Variants in COL9A1 observed in about 807,000 individuals in gnomAD.
The protein encoded by COL9A1 is collagen type IX alpha 1 chain.
COL9A1 carries 104 observed loss-of-function variants against 142.6 expected under a neutral mutation model. That is an observed-to-expected ratio of 0.73 (90% CI 0.62 to 0.86). COL9A1 has a LOEUF of 0.86. COL9A1 is among the 40% of genes least tolerant of loss of function. The pLI is 0.00. For missense variants in COL9A1, 1,210 were observed against 1,176.6 expected, an observed-to-expected ratio of 1.03 and a Z score of -0.42; for synonymous variants, 466 against 396.0, an observed-to-expected ratio of 1.18 and a Z score of -2.10.
chr6:70,251,266 C>A (rs1237633661), intron 28 of COL9A1, among the ~76,000 whole-genome samples: 2 of 152,128 alleles, frequency 1.3e-5, no homozygotes, highest in Non-Finnish European at 2.9e-5. Flanking sequence ...AAAATACAGT[C>A]GGGCATGGTA....
chr6:70,273,971 A>G (rs1772573748), intron 12 of COL9A1, 76 bp downstream of exon 12: 1 of 767,042 alleles, frequency 1.3e-6, no homozygotes, highest in Admixed American at 3.6e-5. Flanking sequence ...AAATAAATAA[A>G]TAAAAAGATT....
chr6:70,231,373 T>C (rs1350526182), intron 36 of COL9A1, among the ~76,000 whole-genome samples: 3 of 152,174 alleles, frequency 2.0e-5, no homozygotes, highest in Non-Finnish European at 1.5e-5. Flanking sequence ...CCTGAACTAG[T>C]AAAGCTGGAC....
Position 70,271,575 on chromosome 6 carries a change from C to G in COL9A1, c.1143+80G>C, listed in dbSNP as rs555658384. The stretch of plus-strand genomic sequence containing the variant: ...GTTTTGGTTTGCAAGTGGAAATGTA[C>G]AGTTAGGGTAATTTGCTTTCCCAAA... On this transcript the variant is annotated intron_variant, in intron 14 of 37. Transcript: ENST00000357250. 3 of 1,262,374 alleles carry G rather than the reference C, an allele frequency of 2.4e-6. No individual in the cohort carries two copies. The South Asian group carries it at 3.6e-5, about 15-fold the overall frequency. 78.2% of individuals were successfully genotyped at this position (1,262,374 alleles called of 1,614,324 possible).
chr6:70,284,032 T>C (rs756253457), intron 5 of COL9A1, among the ~76,000 whole-genome samples: 15 of 152,132 alleles, frequency 9.9e-5, no homozygotes, highest in Non-Finnish European at 2.2e-4. Context: ...GATTATTAGG[T>C]ATAGATGTCT....
intron 26 of COL9A1, 129 bp downstream of exon 26, chr6:70,253,256 A>G: frequency 1.5e-6 from 1 of 651,930 alleles, no homozygotes; most frequent in Non-Finnish European, 2.7e-6. Context: ...TAACACATTT[A>G]CCTTTTTATT....
chr6:70,267,327 G>GTTTTTTTTTTTTTTTTTTTTTT lies in COL9A1; in HGVS notation c.1288-558_1288-557insAAAAAAAAAAAAAAAAAAAAAA, dbSNP rs61373051. 4.8e-4 allele frequency among the ~76,000 whole-genome samples: 61 copies of GTTTTTTTTTTTTTTTTTTTTTT among 127,040 alleles called. 1 individual carries two copies. Among genetic ancestry groups the GTTTTTTTTTTTTTTTTTTTTTT allele is most frequent in the Non-Finnish European group, 6.3e-4 (38 of 60,120 alleles). 83.3% of individuals were successfully genotyped at this position (127,040 alleles called of 152,430 possible). ...TTGTTGTTGTTTGTTTGGTTTTTTT[G>GTTTTTTTTTTTTTTTTTTTTTT]TTTTTTTTTTTTGAGATGGAGCTTC... On this transcript the variant is annotated intron_variant, in intron 17 of 37. Transcript: ENST00000357250.
chr6:70,223,505 T>A (rs866892896), intron 37 of COL9A1, among the ~76,000 whole-genome samples: 1 of 152,212 alleles, frequency 6.6e-6, no homozygotes, highest in South Asian at 2.1e-4. Flanking sequence ...GATGCCACTC[T>A]TCAAACAGCC....
In COL9A1 at chr6:70,240,321, C is replaced by T. The variant is rs78522464; in HGVS notation, c.2079+368G>A. ...CTTGAATATTGTTTTCATGATAGTG[C>T]ACTATTATTCATAGACTTTCTATAG... On this transcript the variant is annotated intron_variant, in intron 32 of 37. Transcript: ENST00000357250. Among the ~76,000 whole-genome samples the T allele has an allele frequency of 3.9e-3, 596 of 152,272 alleles. 12 individuals are homozygous for T. Among genetic ancestry groups the T allele is most frequent in the East Asian group, 0.021 (109 of 5,178 alleles).
At chr6:70,239,659 T>G (rs1770123300) in intron 32 of COL9A1, among the ~76,000 whole-genome samples, 1 of 152,234 alleles carries the variant, frequency 6.6e-6, no homozygotes, top group East Asian at 1.9e-4. Flanking sequence ...ACCTGATGAC[T>G]TCATTTTTGT....
At chr6:70,293,433 A>G (rs1773725713) in intron 5 of COL9A1, among the ~76,000 whole-genome samples, 1 of 152,102 alleles carries the variant, frequency 6.6e-6, no homozygotes, top group Non-Finnish European at 1.5e-5. Context: ...ATATCTGGGG[A>G]TCTCTGCAGT....
At chr6:70,235,725 T>A (rs1769863466) in intron 33 of COL9A1, among the ~76,000 whole-genome samples, 1 of 64,886 alleles carries the variant, frequency 1.5e-5, no homozygotes, top group Non-Finnish European at 6.2e-5. Flanking sequence ...CCTTACAACT[T>A]TTTTTTTTAG....
chr6:70,239,756 AT>A lies in COL9A1; in HGVS notation c.2080-471del, dbSNP rs1770128340. 2.0e-5 allele frequency among the ~76,000 whole-genome samples: 3 copies of A among 152,294 alleles called. No individual in the cohort carries two copies. In the South Asian group the frequency reaches 6.2e-4, roughly 32 times the overall value. ...ATGCTTTAAAAAATAAACATTGAAA[AT>A]TTCCTACCACTAATGCTAGTTATAA... is the stretch of plus-strand genomic sequence containing the variant. On this transcript the variant is annotated intron_variant, in intron 32 of 37. Transcript: ENST00000357250.
intron 31 of COL9A1, 79 bp from the exon 32 acceptor site, chr6:70,240,812 A>G: frequency 9.4e-7 from 1 of 1,066,924 alleles, no homozygotes; most frequent in East Asian, 2.4e-5. Context: ...ATTGATAAGC[A>G]TTCATAAGTG....
chr6:70,240,925 A>G (rs191485011), intron 31 of COL9A1, among the ~76,000 whole-genome samples, 192 bp from the exon 32 acceptor site: 1 of 152,274 alleles, frequency 6.6e-6, no homozygotes, highest in East Asian at 1.9e-4. Context: ...CGGAGAGGAA[A>G]GCCAGAAGGT....
chr6:70,284,549 T>C lies in COL9A1; in HGVS notation c.697-729A>G, dbSNP rs371601365. ...AATGTGTTCTGACAACTTCTTACATTGTTAGCAGGTGTTACAGGATAAAAA... is the reference window on the plus strand; with the variant it reads ...AATGTGTTCTGACAACTTCTTACATCGTTAGCAGGTGTTACAGGATAAAAA... On this transcript the variant is annotated intron_variant, in intron 5 of 37. Coordinates refer to ENST00000357250, the MANE Select transcript of COL9A1 (RefSeq NM_001851.6). Among the ~76,000 whole-genome samples, 4 of 152,314 alleles carry C rather than the reference T, an allele frequency of 2.6e-5. No homozygotes were observed. In the East Asian group the frequency reaches 7.7e-4, roughly 29 times the overall value.
intron 28 of COL9A1, among the ~76,000 whole-genome samples, chr6:70,247,428 A>G (rs1055427998): frequency 1.3e-5 from 2 of 152,236 alleles, no homozygotes. Flanking sequence ...ATCATGCTCT[A>G]GCTTGTAATG....
intron 17 of COL9A1, among the ~76,000 whole-genome samples, chr6:70,267,166 C>G (rs1772067446): frequency 6.6e-6 from 1 of 152,156 alleles, no homozygotes; most frequent in South Asian, 2.1e-4. Context: ...AGCTGGCTAT[C>G]CCCTGCCCTC....
Position 70,281,043 on chromosome 6 carries a change from G to C in COL9A1, c.877-4C>G. ...GGCCCTTAGGACCTCGGTCACCCTGGAGGGGTAGGAGAAAAAGAGAGAGCA... is the reference window on the plus strand; with the variant it reads ...GGCCCTTAGGACCTCGGTCACCCTGCAGGGGTAGGAGAAAAAGAGAGAGCA... On this transcript the variant is annotated splice_region_variant and splice_polypyrimidine_tract_variant and intron_variant, in intron 8 of 37. Transcript: ENST00000357250. 6.2e-7 allele frequency: 1 copy of C among 1,608,544 alleles called. No individual in the cohort carries two copies. Among genetic ancestry groups the C allele is most frequent in the Non-Finnish European group, 8.5e-7 (1 of 1,178,062 alleles).
chr6:70,303,048 G>A lies in COL9A1; in HGVS notation c.-124C>T, dbSNP rs1182837405. 9.6e-7 allele frequency: 1 copy of A among 1,044,000 alleles called. No homozygotes were observed. Among genetic ancestry groups the A allele is most frequent in the Non-Finnish European group, 1.5e-6 (1 of 661,880 alleles). The allele number at this position is 1,044,000 out of a possible 1,614,324, so 64.7% of individuals were successfully genotyped here. A position where few individuals can be genotyped will look rare whatever the true frequency, so the allele number is the denominator to read the frequency against. On this transcript the variant is annotated 5_prime_UTR_variant, in exon 1 of 38. Coordinates refer to ENST00000357250, the MANE Select transcript of COL9A1 (RefSeq NM_001851.6). ...ACTATGTGTTCTGGGCCCAGCCTTG[G>A]TCCCTCCTGCCCCCGGTGAGGGCTA...
Sources: allele counts gnomAD v4.1 joint callset (sites outside exome capture counted in the v4.1 genomes callset), GRCh38; gene constraint gnomAD v4.1.1; transcripts MANE v1.5; gene names NCBI Gene and HGNC (gene_info 2026-07-23, HGNC 2026-07-21).